TMEM225B: variants seen among roughly 807,000 people sequenced by gnomAD.
TMEM225B encodes transmembrane protein 225B.
Under a neutral mutation model 16.9 loss-of-function variants are expected in TMEM225B, and 10 were observed. The observed-to-expected ratio is 0.59, with a 90% CI of 0.36 to 1.00. The LOEUF is 1.00. Ranked by LOEUF, TMEM225B falls within the 50% of genes least tolerant of loss-of-function variation. The probability of loss-of-function intolerance (pLI) is 0.01; values close to 1 mark genes in which losing one functional copy is unlikely to be tolerated. For synonymous variants in TMEM225B, 92 were observed against 109.8 expected, an observed-to-expected ratio of 0.84 and a Z score of 1.01; for missense variants, 217 against 267.0, an observed-to-expected ratio of 0.81 and a Z score of 1.30.
At chr7:99,606,930 G>A (rs1805867338) in intron 4 of TMEM225B, 36 bp downstream of exon 4, 1 of 1,534,426 alleles carries the variant, frequency 6.5e-7, no homozygotes, top group Non-Finnish European at 8.7e-7. Context: ...ACCTTCGCTA[G>A]GGCCTGGGGA....
chr7:99,603,626 A>G (rs1369064098), intron 2 of TMEM225B, among the ~76,000 whole-genome samples: 1 of 151,138 alleles, frequency 6.6e-6, no homozygotes, highest in Non-Finnish European at 1.5e-5. Flanking sequence ...TGGGAGGCAG[A>G]GGTTGCAGTG....
chr7:99,607,720 G>A lies in TMEM225B; in HGVS notation c.403G>A (p.Ala135Thr), dbSNP rs1220609584. Residue 135 changes from alanine (A) to threonine (T), a missense_variant, in exon 5 of 6, where the codon GCT becomes ACT. Transcript: ENST00000431679. ...ALVLHALEIK[A>T]LRMKLGPLQF... ...GGTGCTGCATGCCCTGGAGATCAAGGCTCTGAGGATGAAGCTCGGCCCCCT... is the reference window on the plus strand; with the variant it reads ...GGTGCTGCATGCCCTGGAGATCAAGACTCTGAGGATGAAGCTCGGCCCCCT... The A allele has an allele frequency of 6.5e-7, 1 of 1,536,106 alleles. No individual in the cohort carries two copies. The highest frequency in any genetic ancestry group is 1.2e-5 in the South Asian group (1 of 84,060).
At chr7:99,602,674 C>T (rs566519153) in intron 2 of TMEM225B, among the ~76,000 whole-genome samples, 6 of 152,308 alleles carry the variant, frequency 3.9e-5, no homozygotes, top group African/African-American at 1.4e-4. Context: ...CACTTACCCA[C>T]CACGGTGTAA....
chr7:99,605,260 AC>A (rs1263571836), intron 3 of TMEM225B, among the ~76,000 whole-genome samples: 1 of 151,762 alleles, frequency 6.6e-6, no homozygotes, highest in Non-Finnish European at 1.5e-5. Context: ...CTATTTCACT[AC>A]TTCTGTTATT....
intron 2 of TMEM225B, among the ~76,000 whole-genome samples, chr7:99,602,092 A>G (rs1404686079): frequency 1.3e-5 from 2 of 152,176 alleles, no homozygotes; most frequent in Non-Finnish European, 2.9e-5. Context: ...AAAGACTGTC[A>G]TCTTGGGGTG....
chr7:99,600,267 A>G lies in TMEM225B; in HGVS notation c.-22A>G. 1 of 702,906 alleles carries G rather than the reference A, an allele frequency of 1.4e-6. No individual in the cohort carries two copies. The highest frequency in any genetic ancestry group is 2.6e-6 in the Non-Finnish European group (1 of 384,962). 43.5% of individuals were successfully genotyped at this position (702,906 alleles called of 1,614,324 possible). Reference sequence around the variant, plus strand: ...CTCTGAATCCCCACCATTGGCCTACATTGGGAGTGGGGCGACCTGTAAGTG... The same window carrying G: ...CTCTGAATCCCCACCATTGGCCTACGTTGGGAGTGGGGCGACCTGTAAGTG... On this transcript the variant is annotated 5_prime_UTR_variant, in exon 2 of 6. Transcript: ENST00000431679.
At chr7:99,605,897 T>C (rs1382870408) in intron 3 of TMEM225B, among the ~76,000 whole-genome samples, 2 of 152,200 alleles carry the variant, frequency 1.3e-5, no homozygotes, top group Non-Finnish European at 2.9e-5. Flanking sequence ...CTCACTCCTA[T>C]TAACTAGGAA....
At chr7:99,606,415 T>G (rs1427894353) in intron 3 of TMEM225B, among the ~76,000 whole-genome samples, 1 of 152,176 alleles carries the variant, frequency 6.6e-6, no homozygotes, top group Non-Finnish European at 1.5e-5. Context: ...TACAGTGAGC[T>G]GAGATTGCAC....
chr7:99,608,457 T>C (rs1163078095), intron 5 of TMEM225B, among the ~76,000 whole-genome samples: 1 of 151,786 alleles, frequency 6.6e-6, no homozygotes, highest in East Asian at 1.9e-4. Flanking sequence ...CCTGTTCTTA[T>C]CCTTCTTGAC....
At chr7:99,606,437 A>C (rs542464872) in intron 3 of TMEM225B, among the ~76,000 whole-genome samples, 1 of 152,350 alleles carries the variant, frequency 6.6e-6, no homozygotes, top group Non-Finnish European at 1.5e-5. Context: ...ACCACACTCC[A>C]GCTGGGGCGA....
At chr7:99,607,237 C>T (rs1215052191) in intron 4 of TMEM225B, among the ~76,000 whole-genome samples, 1 of 152,068 alleles carries the variant, frequency 6.6e-6, no homozygotes, top group Non-Finnish European at 1.5e-5. Flanking sequence ...TCAAGCGGTC[C>T]TCCTGCCTCA....
At position 99,607,832 on chromosome 7, in the gene TMEM225B, C is replaced by A. The variant is rs557980827; in HGVS notation, c.493+22C>A. On this transcript the variant is annotated intron_variant, in intron 5 of 5. Coordinates refer to ENST00000431679, the MANE Select transcript of TMEM225B (RefSeq NM_001195541.3). Reference sequence around the variant, plus strand: ...GCTGGTGAGTGTCCAGGGAACAGTGCCCTGCTTCTTGTCCTCGGTCTGGAT... The same window carrying A: ...GCTGGTGAGTGTCCAGGGAACAGTGACCTGCTTCTTGTCCTCGGTCTGGAT... 7 of 1,532,604 alleles carry A rather than the reference C, an allele frequency of 4.6e-6. No homozygotes were observed. The Admixed American group carries it at 7.9e-5, about 17-fold the overall frequency. The allele number at this position is 1,532,604 out of a possible 1,614,324, so 94.9% of individuals were successfully genotyped here. A position where few individuals can be genotyped will look rare whatever the true frequency, so the allele number is the denominator to read the frequency against.
At chr7:99,600,417 G>A (rs1160023440) in intron 2 of TMEM225B, 132 bp downstream of exon 2, 3 of 648,634 alleles carry the variant, frequency 4.6e-6, no homozygotes, top group Non-Finnish European at 5.5e-6. Flanking sequence ...CCCGCCCCCA[G>A]GAAGGAACCC....
intron 5 of TMEM225B, among the ~76,000 whole-genome samples, chr7:99,608,760 CACACAT>C (rs1375460821): frequency 2.1e-5 from 3 of 144,752 alleles, no homozygotes; most frequent in African/African-American, 8.1e-5. Flanking sequence ...CACACACACA[CACACAT>C]ATTTATATAT....
intron 1 of TMEM225B, among the ~76,000 whole-genome samples, chr7:99,599,125 ATTTTTT>A (rs769617190): frequency 6.1e-5 from 7 of 115,498 alleles, no homozygotes; most frequent in African/African-American, 2.5e-4. Context: ...CGCCTGGCTA[ATTTTTT>A]TTTTTTTTTT....
chr7:99,599,125 ATTTTTTTT>A (rs769617190), intron 1 of TMEM225B, among the ~76,000 whole-genome samples: 44 of 115,498 alleles, frequency 3.8e-4, no homozygotes, highest in African/African-American at 1.1e-3. Context: ...CGCCTGGCTA[ATTTTTTTT>A]TTTTTTTTTT....
chr7:99,603,421 G>T (rs960978717), intron 2 of TMEM225B, among the ~76,000 whole-genome samples: 1 of 152,190 alleles, frequency 6.6e-6, no homozygotes, highest in African/African-American at 2.4e-5. Context: ...GCCAGGCATG[G>T]TGGCTCACAC....
At chr7:99,602,782 A>T (rs1010839454) in intron 2 of TMEM225B, among the ~76,000 whole-genome samples, 7 of 152,060 alleles carry the variant, frequency 4.6e-5, no homozygotes, top group African/African-American at 1.7e-4. Flanking sequence ...GCATGATCAT[A>T]GCTCACTGCA....
intron 2 of TMEM225B, among the ~76,000 whole-genome samples, chr7:99,600,978 G>C (rs1403696744): frequency 1.3e-5 from 2 of 152,132 alleles, no homozygotes; most frequent in East Asian, 3.9e-4. Flanking sequence ...CTCAAGGCTA[G>C]GGTTTGGGTG....
Sources: gnomAD v4.1 joint callset for allele counts (sites outside exome capture counted in the v4.1 genomes callset) on GRCh38, gnomAD v4.1.1 for gene constraint, MANE v1.5 for transcripts, NCBI Gene and HGNC (gene_info 2026-07-23, HGNC 2026-07-21) for gene names.